RRP15: variants seen among roughly 807,000 people sequenced by gnomAD.
RRP15 encodes the protein ribosomal RNA processing 15 homolog.
In RRP15, 18 loss-of-function variants were observed where a neutral mutation model predicts 27.1. The ratio of observed to expected loss-of-function variants is 0.66; its 90% CI spans 0.46 to 0.98. The LOEUF is 0.98. RRP15 is among the 50% of genes least tolerant of loss of function. The pLI, the probability that RRP15 is intolerant of heterozygous loss-of-function variation, is 0.00. For missense variants in RRP15, 359 were observed against 337.8 expected (o/e 1.06, Z -0.49); for synonymous variants, 107 against 109.4 (o/e 0.98, Z 0.14).
At chr1:218,324,728 T>TA (rs138773914) in intron 4 of RRP15, among the ~76,000 whole-genome samples, 5,033 of 152,344 alleles carry the variant, frequency 0.033, 261 homozygotes, top group African/African-American at 0.11. Flanking sequence ...AGTTTACAAT[T>TA]ATAGTTGTCA....
chr1:218,329,237 C>CAAAAAAAAAAAAAAAAAAAAAAAAAAAA (rs1164512474), intron 4 of RRP15, among the ~76,000 whole-genome samples: 1 of 53,552 alleles, frequency 1.9e-5, no homozygotes, highest in Non-Finnish European at 3.3e-5. Flanking sequence ...CCTGTCTCTA[C>CAAAAAAAAAAAAAAAAAAAAAAAAAAAA]AAAAAAAAAA....
intron 4 of RRP15, among the ~76,000 whole-genome samples, chr1:218,313,947 A>G (rs987626648): frequency 6.6e-6 from 1 of 152,128 alleles, no homozygotes; most frequent in Admixed American, 6.5e-5. Flanking sequence ...ATATTGACCA[A>G]TATCTTGATG....
chr1:218,327,595 C>T (rs940061123), intron 4 of RRP15, among the ~76,000 whole-genome samples: 5 of 152,148 alleles, frequency 3.3e-5, no homozygotes, highest in Admixed American at 1.3e-4. Context: ...TGAGCCACCA[C>T]GCCTGGCCTT....
chr1:218,304,120 G>A (rs1332053610), intron 2 of RRP15, among the ~76,000 whole-genome samples: 2 of 152,110 alleles, frequency 1.3e-5, no homozygotes, highest in East Asian at 1.9e-4. Context: ...TATAGTGAGC[G>A]CAAGAATTTG....
chr1:218,316,646 T>C (rs970808856), intron 4 of RRP15, among the ~76,000 whole-genome samples: 8 of 152,058 alleles, frequency 5.3e-5, no homozygotes, highest in Non-Finnish European at 1.0e-4. Context: ...GTTGTGAGAG[T>C]CAATTAAGTT....
chr1:218,336,906 A>G lies in RRP15; in HGVS notation c.*5815A>G, dbSNP rs1053955511. ...GGATTCCCAAATATACTCCTTAATA[A>G]CCAGTAAAGTTATATTTACACTGGA... is the stretch of plus-strand genomic sequence containing the variant. On this transcript the variant is annotated 3_prime_UTR_variant, in exon 5 of 5. Coordinates refer to ENST00000366932, the MANE Select transcript of RRP15 (RefSeq NM_016052.4). 1 of 152,130 alleles carries G rather than the reference A, an allele frequency of 6.6e-6. No individual in the cohort carries two copies. Among genetic ancestry groups the G allele is most frequent in the South Asian group, 2.1e-4 (1 of 4,826 alleles). 9.4% of individuals were successfully genotyped at this position (152,130 alleles called of 1,614,324 possible).
At chr1:218,323,061 C>T (rs954275829) in intron 4 of RRP15, among the ~76,000 whole-genome samples, 3 of 152,144 alleles carry the variant, frequency 2.0e-5, no homozygotes, top group Admixed American at 6.5e-5. Context: ...AACGTCGTGG[C>T]GTTCTGGAAG....
At chr1:218,326,974 T>G (rs1225928209) in intron 4 of RRP15, among the ~76,000 whole-genome samples, 1 of 152,220 alleles carries the variant, frequency 6.6e-6, no homozygotes, top group Non-Finnish European at 1.5e-5. Context: ...AGTTTCTGTT[T>G]CTTTTGCAGA....
intron 1 of RRP15, 85 bp from the exon 2 acceptor site, chr1:218,302,209 G>A: frequency 9.9e-7 from 1 of 1,005,518 alleles, no homozygotes; most frequent in Non-Finnish European, 1.5e-6. Context: ...GGGACAGGCA[G>A]AGCTCCAGGA....
rs149706911 is a variant in RRP15, at chr1:218,319,006, A to T, written c.705+11374A>T. 2.2e-3 allele frequency among the ~76,000 whole-genome samples: 333 copies of T among 151,624 alleles called. 2 individuals carry two copies. The highest frequency in any genetic ancestry group is 6.9e-3 in the Middle Eastern group (2 of 290). ...GGGGGTTGTTTCATCCCTTTTAATT[A>T]TGGTCTTCCAGAGTAAGGAGTTTAA... On this transcript the variant is annotated intron_variant, in intron 4 of 4. Coordinates refer to ENST00000366932, the MANE Select transcript of RRP15 (RefSeq NM_016052.4).
intron 3 of RRP15, among the ~76,000 whole-genome samples, chr1:218,305,788 T>A (rs984778042): frequency 6.6e-6 from 1 of 152,138 alleles, no homozygotes; most frequent in Non-Finnish European, 1.5e-5. Context: ...TTACCTAAAT[T>A]ATTTTGGTCA....
chr1:218,305,188 T>G, intron 3 of RRP15, 63 bp downstream of exon 3: 1 of 1,237,506 alleles, frequency 8.1e-7, no homozygotes, highest in South Asian at 1.3e-5. Context: ...TGGTTCTATT[T>G]TTGACCCAAT....
At chr1:218,329,518 A>G (rs1656332728) in intron 4 of RRP15, among the ~76,000 whole-genome samples, 1 of 152,184 alleles carries the variant, frequency 6.6e-6, no homozygotes, top group African/African-American at 2.4e-5. Context: ...AGTTGTTAAT[A>G]TACTCCAGTT....
chr1:218,318,780 C>T (rs991183602), intron 4 of RRP15, among the ~76,000 whole-genome samples: 1 of 151,682 alleles, frequency 6.6e-6, no homozygotes, highest in African/African-American at 2.4e-5. Flanking sequence ...CTCCCCACCT[C>T]CCAGTTAGAA....
At position 218,332,795 on chromosome 1, in the gene RRP15, A is replaced by G. The variant is rs1656393823; in HGVS notation, c.*1704A>G. ...AACAAATATACCTCAGTAGTAATAC[A>G]GGAGAACTAAATATCCTGCTATAAC... On this transcript the variant is annotated 3_prime_UTR_variant, in exon 5 of 5. Coordinates refer to ENST00000366932, the MANE Select transcript of RRP15 (RefSeq NM_016052.4). The G allele has an allele frequency of 6.6e-6, 1 of 151,996 alleles. No individual in the cohort carries two copies. Among genetic ancestry groups the G allele is most frequent in the Non-Finnish European group, 1.5e-5 (1 of 67,976 alleles). 9.4% of individuals were successfully genotyped at this position (151,996 alleles called of 1,614,324 possible).
intron 3 of RRP15, 105 bp downstream of exon 3, chr1:218,305,230 A>G (rs756750953): frequency 5.1e-6 from 4 of 780,564 alleles, no homozygotes; most frequent in Non-Finnish European, 8.5e-6. Flanking sequence ...CTCAGAGCCA[A>G]GTGATATATA....
chr1:218,298,896 TC>T (rs1309637985), intron 1 of RRP15, among the ~76,000 whole-genome samples: 1 of 152,166 alleles, frequency 6.6e-6, no homozygotes. Flanking sequence ...TCCTTTAAGT[TC>T]CAGATTTTTA....
chr1:218,323,525 A>T (rs897850926), intron 4 of RRP15, among the ~76,000 whole-genome samples: 1 of 151,946 alleles, frequency 6.6e-6, no homozygotes, highest in African/African-American at 2.4e-5. Context: ...ACAAGTTCCC[A>T]CTCTGGTCCC....
At chr1:218,289,324 G>T (rs999330538) in intron 1 of RRP15, among the ~76,000 whole-genome samples, 1 of 152,200 alleles carries the variant, frequency 6.6e-6, no homozygotes, top group African/African-American at 2.4e-5. Context: ...CTTGGAAATA[G>T]TGCTTCCAGT....
Sources: gnomAD v4.1 joint callset for allele counts (sites outside exome capture counted in the v4.1 genomes callset) on GRCh38, gnomAD v4.1.1 for gene constraint, MANE v1.5 for transcripts, NCBI Gene and HGNC (gene_info 2026-07-23, HGNC 2026-07-21) for gene names.